Variants in CACNA1E observed in about 807,000 individuals in gnomAD.
The protein encoded by CACNA1E is calcium voltage-gated channel subunit alpha1 E, also known as voltage-dependent R-type calcium channel subunit alpha-1E.
CACNA1E carries 40 observed loss-of-function variants against 259.2 expected under a neutral mutation model. That is an observed-to-expected ratio of 0.15 (90% CI 0.12 to 0.20). The LOEUF is 0.20. CACNA1E is among the 10% of genes least tolerant of loss of function. CACNA1E has a pLI of 1.00. For missense variants in CACNA1E, 1,874 were observed against 3,040.1 expected (o/e 0.62, Z 9.02); for synonymous variants, 1,104 against 1,138.5 (o/e 0.97, Z 0.61).
At chr1:181,466,776 T>G (rs1662185421) in intron 2 of CACNA1E, among the ~76,000 whole-genome samples, 1 of 152,242 alleles carries the variant, frequency 6.6e-6, no homozygotes, top group Non-Finnish European at 1.5e-5. Flanking sequence ...AATATATTTC[T>G]GTACTTTATC....
intron 33 of CACNA1E, 86 bp from the exon 34 acceptor site, chr1:181,763,320 G>T (rs1312742911): frequency 6.5e-6 from 7 of 1,074,498 alleles, no homozygotes; most frequent in South Asian, 3.3e-5. Context: ...TTATCGGAAT[G>T]AGGGATAAAT....
At position 181,622,566 on chromosome 1, in the gene CACNA1E, G is replaced by T. The variant is rs554131523; in HGVS notation, c.952-28772G>T. 1.1e-3 allele frequency among the ~76,000 whole-genome samples: 170 copies of T among 152,264 alleles called. 1 individual carries two copies. Among genetic ancestry groups the T allele is most frequent in the Middle Eastern group, 3.4e-3 (1 of 294 alleles). ...CTTTTTCTGTGTGCATGCATCTTTTGTGTACAAGTTTACTTTTCTTGTAAT... is the reference window on the plus strand; with the variant it reads ...CTTTTTCTGTGTGCATGCATCTTTTTTGTACAAGTTTACTTTTCTTGTAAT... On this transcript the variant is annotated intron_variant, in intron 6 of 47. Coordinates refer to ENST00000367573, the MANE Select transcript of CACNA1E (RefSeq NM_001205293.3).
chr1:181,757,898 T>C (rs762880233), intron 30 of CACNA1E, 49 bp from the exon 31 acceptor site: 3 of 1,593,170 alleles, frequency 1.9e-6, no homozygotes, highest in African/African-American at 2.7e-5. Context: ...CCTGCCATGG[T>C]AGATCTAGGG....
At chr1:181,651,536 T>G in intron 7 of CACNA1E, 95 bp downstream of exon 7, 1 of 877,606 alleles carries the variant, frequency 1.1e-6, no homozygotes, top group Non-Finnish European at 1.8e-6. Context: ...CATTTAACCT[T>G]CATTTAGAAG....
intron 45 of CACNA1E, 115 bp downstream of exon 45, chr1:181,793,908 T>C (rs1188752865): frequency 2.6e-6 from 3 of 1,155,994 alleles, no homozygotes; most frequent in Non-Finnish European, 3.6e-6. Flanking sequence ...CCCTTCCCTA[T>C]AAATAAAACC....
Position 181,755,772 on chromosome 1 carries a change from T to C in CACNA1E, c.3990-184T>C, listed in dbSNP as rs561344237. On this transcript the variant is annotated intron_variant, in intron 28 of 47. Coordinates refer to ENST00000367573, the MANE Select transcript of CACNA1E (RefSeq NM_001205293.3). Reference sequence around the variant, plus strand: ...GGTTAGGATTTACTCCTGTATCTGTTGGGCACCAAATCCCATTTTTGCTCC... The same window carrying C: ...GGTTAGGATTTACTCCTGTATCTGTCGGGCACCAAATCCCATTTTTGCTCC... Among the ~76,000 whole-genome samples, 8 of 152,348 alleles carry C rather than the reference T, an allele frequency of 5.3e-5. No homozygotes were observed. In the South Asian group the frequency reaches 1.7e-3, roughly 32 times the overall value.
At chr1:181,424,565 G>A (rs1389427417) in intron 2 of CACNA1E, among the ~76,000 whole-genome samples, 1 of 152,230 alleles carries the variant, frequency 6.6e-6, no homozygotes, top group Non-Finnish European at 1.5e-5. Flanking sequence ...TGGGAAGGAG[G>A]GGGACTGGCC....
At chr1:181,583,127 C>CACACAT (rs1381804314) in intron 6 of CACNA1E, among the ~76,000 whole-genome samples, 1 of 151,686 alleles carries the variant, frequency 6.6e-6, no homozygotes, top group Non-Finnish European at 1.5e-5. Context: ...CACACACACA[C>CACACAT]ACACACACAC....
chr1:181,420,149 C>G (rs1435113862), intron 2 of CACNA1E, among the ~76,000 whole-genome samples: 3 of 152,164 alleles, frequency 2.0e-5, no homozygotes, highest in Non-Finnish European at 4.4e-5. Context: ...CTTTACAAAT[C>G]CTGTCTCCTA....
Position 181,719,758 on chromosome 1 carries a change from T to C in CACNA1E, c.1646T>C (p.Val549Ala). The C allele has an allele frequency of 6.3e-7, 1 of 1,587,596 alleles. No individual in the cohort carries two copies. The highest frequency in any genetic ancestry group is 8.6e-7 in the Non-Finnish European group (1 of 1,163,266). ...SFNCFDFGVT[V>A]GSIFEVVWAI... ...CTGGCATTGCCTCTCTAGGTCACAG[T>C]GGGCAGTATCTTTGAAGTGGTCTGG... The change falls in exon 13 of 48, where the codon GTG (valine) becomes GCG (alanine). Residue 549 changes from valine to alanine, a missense_variant. Val to Ala is a moderately conservative substitution (Grantham distance 64). This residue lies in a region of CACNA1E where 102 missense variants were observed against 279.4 expected (regional missense o/e 0.37). Coordinates refer to ENST00000367573, the MANE Select transcript of CACNA1E (RefSeq NM_001205293.3).
At position 181,763,277 on chromosome 1, in the gene CACNA1E, T is replaced by C. The variant is rs1658743226; in HGVS notation, c.4690-129T>C. 5 of 739,574 alleles carry C rather than the reference T, an allele frequency of 6.8e-6. No individual in the cohort carries two copies. The Middle Eastern group carries it at 1.3e-3, about 186-fold the overall frequency. 45.8% of individuals were successfully genotyped at this position (739,574 alleles called of 1,614,324 possible). ...TCACTGGCCAGCCCATCAGCTGGAA[T>C]TGGGGTTAACAAAGACAGAGACTGT... On this transcript the variant is annotated intron_variant, in intron 33 of 47. Coordinates refer to ENST00000367573, the MANE Select transcript of CACNA1E (RefSeq NM_001205293.3).
chr1:181,668,135 G>C (rs970487289), intron 7 of CACNA1E, among the ~76,000 whole-genome samples: 2 of 152,102 alleles, frequency 1.3e-5, no homozygotes, highest in Admixed American at 6.5e-5. Flanking sequence ...ATCACCATAA[G>C]ACCCCTTGTG....
At chr1:181,444,498 T>G (rs3845433) in intron 2 of CACNA1E, among the ~76,000 whole-genome samples, 57,876 of 151,586 alleles carry the variant, frequency 0.38, 11,232 homozygotes, top group African/African-American at 0.42. Flanking sequence ...TCTGGAGAAG[T>G]AGAGAAAGGA....
intron 3 of CACNA1E, among the ~76,000 whole-genome samples, chr1:181,541,614 G>T (rs549319503): frequency 6.6e-6 from 1 of 152,216 alleles, no homozygotes; most frequent in Non-Finnish European, 1.5e-5. Context: ...TTCTGGGCAA[G>T]CCGCAGTGCT....
intron 1 of CACNA1E, among the ~76,000 whole-genome samples, chr1:181,397,291 T>A (rs1339375975): frequency 1.3e-5 from 2 of 152,204 alleles, no homozygotes; most frequent in African/African-American, 4.8e-5. Context: ...AACTCTGTCC[T>A]GAACCCTTAC....
intron 1 of CACNA1E, among the ~76,000 whole-genome samples, chr1:181,378,105 G>T (rs936828815): frequency 6.6e-6 from 1 of 152,218 alleles, no homozygotes; most frequent in Non-Finnish European, 1.5e-5. Flanking sequence ...CTTAGCACTA[G>T]ACTTGTTGTG....
At chr1:181,548,911 C>T (rs1647824662) in intron 3 of CACNA1E, among the ~76,000 whole-genome samples, 1 of 152,114 alleles carries the variant, frequency 6.6e-6, no homozygotes, top group African/African-American at 2.4e-5. Context: ...CTCTGTGGCA[C>T]AGAGAATAAA....
intron 2 of CACNA1E, among the ~76,000 whole-genome samples, chr1:181,442,292 A>G (rs982508078): frequency 3.2e-5 from 4 of 125,590 alleles, no homozygotes; most frequent in Non-Finnish European, 6.5e-5. Context: ...GGGTCAGGGC[A>G]TGAGGGAGAC....
chr1:181,796,422 T>C (rs1661809351), intron 46 of CACNA1E, among the ~76,000 whole-genome samples: 1 of 152,166 alleles, frequency 6.6e-6, no homozygotes, highest in Admixed American at 6.5e-5. Context: ...GCAAGCACTC[T>C]CAGGCCTCTT....
Sources: allele counts gnomAD v4.1 joint callset (sites outside exome capture counted in the v4.1 genomes callset), GRCh38; gene constraint gnomAD v4.1.1; regional missense constraint gnomAD v4.1.1; transcripts MANE v1.5; gene names NCBI Gene and HGNC (gene_info 2026-07-23, HGNC 2026-07-21).